Variants in TMEM39B observed in about 807,000 individuals in gnomAD.
The protein encoded by TMEM39B is transmembrane protein 39B.
Under a neutral mutation model 52.2 loss-of-function variants are expected in TMEM39B, and 23 were observed. The observed-to-expected ratio is 0.44, with a 90% CI of 0.32 to 0.62. The LOEUF is 0.62. Among genes scored for constraint, TMEM39B ranks in the 20% least tolerant of loss-of-function variants. TMEM39B has a pLI of 0.06. For synonymous variants in TMEM39B, 285 were observed against 264.0 expected, an observed-to-expected ratio of 1.08 and a Z score of -0.77; for missense variants, 547 against 642.0, an observed-to-expected ratio of 0.85 and a Z score of 1.60.
Position 32,075,037 on chromosome 1 carries a change from A to C in TMEM39B, c.91A>C (p.Thr31Pro), listed in dbSNP as rs764757363. Residue 31 changes from threonine (T) to proline (P), a missense_variant, in exon 2 of 9, where the codon ACT (threonine) becomes CCT (proline). Thr to Pro is a conservative substitution (Grantham distance 38). Transcript: ENST00000336294. ...GSSGGSSGSHTSSASVTSVRS... is the reference protein window; with the variant it reads ...GSSGGSSGSHPSSASVTSVRS... ...CTCGGGGGGCTCTAGTGGAAGCCAC[A>C]CTTCCAGTGCATCGGTGACCAGTGT... 1.3e-6 allele frequency: 2 copies of C among 1,551,564 alleles called. No individual in the cohort carries two copies. The highest frequency in any genetic ancestry group is 2.4e-5 in the South Asian group (2 of 84,042).
intron 5 of TMEM39B, among the ~76,000 whole-genome samples, chr1:32,090,246 C>T (rs1640547841): frequency 6.6e-6 from 1 of 151,978 alleles, no homozygotes; most frequent in Non-Finnish European, 1.5e-5. Flanking sequence ...TAGTTTTCTC[C>T]GCATACAATA....
chr1:32,079,847 G>A (rs1640021376), intron 5 of TMEM39B, among the ~76,000 whole-genome samples: 1 of 151,468 alleles, frequency 6.6e-6, no homozygotes, highest in South Asian at 2.1e-4. Context: ...TTGGCTCACT[G>A]CAGCCTCCAA....
In TMEM39B at chr1:32,073,043, A is replaced by T. The variant is rs1441185475; in HGVS notation, c.-5A>T. ...CGGCGAAGCGGAGAGCACCGGGGGG[A>T]GGAGATGGGTGAGCAGAGCGGCTCA... On this transcript the variant is annotated 5_prime_UTR_variant, in exon 1 of 9. Transcript: ENST00000336294. 3 of 1,518,744 alleles carry T rather than the reference A, an allele frequency of 2.0e-6. No individual in the cohort carries two copies. The highest frequency in any genetic ancestry group is 2.7e-6 in the Non-Finnish European group (3 of 1,131,152). The allele number at this position is 1,518,744 out of a possible 1,614,324, so 94.1% of individuals were successfully genotyped here.
intron 6 of TMEM39B, 128 bp downstream of exon 6, chr1:32,092,139 G>GA: frequency 1.2e-6 from 1 of 834,672 alleles, no homozygotes; most frequent in Non-Finnish European, 1.8e-6. Flanking sequence ...TGGAGGACTG[G>GA]AGTGACTACT....
intron 5 of TMEM39B, among the ~76,000 whole-genome samples, chr1:32,078,422 G>A (rs1222472236): frequency 6.6e-6 from 1 of 152,006 alleles, no homozygotes; most frequent in African/African-American, 2.4e-5. Context: ...GGTCGAGGCT[G>A]CAGTGAGCCG....
Position 32,094,792 on chromosome 1 carries a change from T to C in TMEM39B, c.936T>C (p.His312=), listed in dbSNP as rs140616804. The change falls in exon 7 of 9, where the codon CAT becomes CAC. Residue 312 remains histidine (H), a synonymous_variant. Transcript: ENST00000336294. ...FVPVWFVKNT[H]YYDKRWSCEL... is the part of the protein sequence containing the mutation. Reference sequence around the variant, plus strand: ...CCTTCTGCTACCCCCAGAACACACATTACTATGACAAGCGCTGGTCCTGTG... The same window carrying C: ...CCTTCTGCTACCCCCAGAACACACACTACTATGACAAGCGCTGGTCCTGTG... The C allele has an allele frequency of 2.7e-4, 435 of 1,614,186 alleles. 1 individual carries two copies. In the African/African-American group the frequency reaches 5.2e-3, roughly 19 times the overall value.
At chr1:32,096,122 C>T (rs1464607434) in intron 7 of TMEM39B, among the ~76,000 whole-genome samples, 1 of 152,126 alleles carries the variant, frequency 6.6e-6, no homozygotes, top group African/African-American at 2.4e-5. Context: ...CTCCTCAGGT[C>T]CTCATATGCT....
chr1:32,073,217 G>C, intron 1 of TMEM39B, 166 bp downstream of exon 1: 1 of 913,616 alleles, frequency 1.1e-6, no homozygotes, highest in South Asian at 2.2e-5. Flanking sequence ...GCGGGGTGGG[G>C]CCTCTGTTGT....
chr1:32,093,027 T>C (rs894339721), intron 6 of TMEM39B, among the ~76,000 whole-genome samples: 2 of 152,212 alleles, frequency 1.3e-5, no homozygotes, highest in African/African-American at 4.8e-5. Context: ...GCCTGTGCTC[T>C]CTTTGTCCTA....
At chr1:32,093,271 G>A (rs1029609191) in intron 6 of TMEM39B, among the ~76,000 whole-genome samples, 34 of 151,724 alleles carry the variant, frequency 2.2e-4, no homozygotes, top group African/African-American at 7.3e-4. Flanking sequence ...ACTAATTTCT[G>A]TATTTTTAGT....
intron 5 of TMEM39B, among the ~76,000 whole-genome samples, chr1:32,081,338 C>A (rs893944952): frequency 1.3e-5 from 2 of 151,396 alleles, no homozygotes; most frequent in African/African-American, 4.8e-5. Flanking sequence ...GTGGTGCAAT[C>A]TCGGCTCACT....
intron 5 of TMEM39B, among the ~76,000 whole-genome samples, chr1:32,078,239 C>T (rs1443324226): frequency 6.6e-6 from 1 of 152,174 alleles, no homozygotes; most frequent in African/African-American, 2.4e-5. Context: ...AATCCCAGCA[C>T]TTTGGAGGCC....
intron 5 of TMEM39B, 79 bp downstream of exon 5, chr1:32,077,397 G>C: frequency 6.5e-7 from 1 of 1,543,170 alleles, no homozygotes; most frequent in Non-Finnish European, 8.9e-7. Flanking sequence ...GGCTCACCAG[G>C]CCTCCATATC....
At chr1:32,083,072 C>G (rs1473168619) in intron 5 of TMEM39B, among the ~76,000 whole-genome samples, 1 of 147,884 alleles carries the variant, frequency 6.8e-6, no homozygotes, top group Admixed American at 6.8e-5. Context: ...CCGCGCCCAG[C>G]CTGGTTTTTT....
At chr1:32,088,661 A>G (rs181199673) in intron 5 of TMEM39B, among the ~76,000 whole-genome samples, 1 of 150,630 alleles carries the variant, frequency 6.6e-6, no homozygotes, top group Admixed American at 6.7e-5. Flanking sequence ...TATCATGCAT[A>G]TGAAGCTGCT....
In TMEM39B at chr1:32,091,701, A is replaced by T; in HGVS notation, c.617A>T (p.Gln206Leu). The change falls in exon 6 of 9, where the codon CAG becomes CTG. Residue 206 changes from glutamine to leucine, a missense_variant. Physicochemically the swap from Gln to Leu is moderately radical, Grantham distance 113 (BLOSUM62 -2). Transcript: ENST00000336294. Reference sequence around the variant, plus strand: ...TTTGGGATGTACATTCCGTTCCTGCAGCTGAATTGCGACCTCCGCAAGACA... The same window carrying T: ...TTTGGGATGTACATTCCGTTCCTGCTGCTGAATTGCGACCTCCGCAAGACA... ...YPFGMYIPFL[Q>L]LNCDLRKTSL... The T allele has an allele frequency of 6.2e-7, 1 of 1,609,622 alleles. No homozygotes were observed. The highest frequency in any genetic ancestry group is 1.7e-5 in the Admixed American group (1 of 59,780).
chr1:32,094,417 G>A (rs754702974), intron 6 of TMEM39B, among the ~76,000 whole-genome samples: 44 of 152,086 alleles, frequency 2.9e-4, no homozygotes, highest in African/African-American at 5.8e-4. Context: ...GAGCCACTGC[G>A]CTGGGCCTAG....
intron 7 of TMEM39B, among the ~76,000 whole-genome samples, chr1:32,099,445 A>T (rs946642489): frequency 6.6e-6 from 1 of 152,158 alleles, no homozygotes; most frequent in African/African-American, 2.4e-5. Context: ...GTACACATGT[A>T]CCCTAGAACT....
At chr1:32,097,585 C>A (rs1640859686) in intron 7 of TMEM39B, among the ~76,000 whole-genome samples, 1 of 152,142 alleles carries the variant, frequency 6.6e-6, no homozygotes, top group East Asian at 1.9e-4. Flanking sequence ...CTGCCTCAGC[C>A]TCCCAAAGTG....
Sources: allele counts gnomAD v4.1 joint callset (sites outside exome capture counted in the v4.1 genomes callset), GRCh38; gene constraint gnomAD v4.1.1; transcripts MANE v1.5; gene names NCBI Gene and HGNC (gene_info 2026-07-23, HGNC 2026-07-21).